Variants in RICTOR observed in about 807,000 individuals in gnomAD.
The protein encoded by RICTOR is rapamycin-insensitive companion of mTOR.
A neutral mutation model predicts 214.9 loss-of-function variants in RICTOR; 49 were observed. That is an observed-to-expected ratio of 0.23 (90% CI 0.18 to 0.29). The LOEUF (loss-of-function observed/expected upper bound fraction) is 0.29, where lower values mean the gene tolerates loss of function less well. Among genes scored for constraint, RICTOR ranks in the 10% least tolerant of loss-of-function variants. The pLI is 1.00. For synonymous variants in RICTOR, 717 were observed against 711.3 expected (o/e 1.01, Z -0.13); for missense variants, 1,625 against 2,047.0 (o/e 0.79, Z 3.98).
intron 2 of RICTOR, among the ~76,000 whole-genome samples, chr5:39,029,333 T>C (rs1756094387): frequency 6.6e-6 from 1 of 152,012 alleles, no homozygotes; most frequent in African/African-American, 2.4e-5. Context: ...AAGAGAAAAC[T>C]AACATATAAA....
Position 38,941,049 on chromosome 5 carries a change from G to C in RICTOR, c.*1255C>G. 4.3e-6 allele frequency: 1 copy of C among 232,782 alleles called. No homozygotes were observed. Among genetic ancestry groups the C allele is most frequent in the Non-Finnish European group, 8.5e-6 (1 of 117,540 alleles). 14.4% of individuals were successfully genotyped at this position (232,782 alleles called of 1,614,324 possible). A position where few individuals can be genotyped will look rare whatever the true frequency, so the allele number is the denominator to read the frequency against. Reference sequence around the variant, plus strand: ...TTACAAGCATTCAAATGATGGCCATGCTATTTTTATATACAAATTTGCATA... The same window carrying C: ...TTACAAGCATTCAAATGATGGCCATCCTATTTTTATATACAAATTTGCATA... On this transcript the variant is annotated 3_prime_UTR_variant, in exon 38 of 38. Coordinates refer to ENST00000357387, the MANE Select transcript of RICTOR (RefSeq NM_152756.5).
At chr5:39,074,082 C>T in intron 2 of RICTOR, 29 bp downstream of exon 2, 1 of 1,553,362 alleles carries the variant, frequency 6.4e-7, no homozygotes, top group Non-Finnish European at 8.7e-7. Flanking sequence ...GCAGCGCGCC[C>T]TCGCGGCGCC....
At position 39,068,318 on chromosome 5, in the gene RICTOR, C is replaced by T. The variant is rs565238710; in HGVS notation, c.97+5793G>A. Among the ~76,000 whole-genome samples, 274 of 152,204 alleles carry T rather than the reference C, an allele frequency of 1.8e-3. 1 individual carries two copies. The highest frequency in any genetic ancestry group is 6.4e-3 in the African/African-American group (265 of 41,528). ...CTCAAGTAGGGGCATACAGTCTCCACGGAGAAAGAGGTGGAATGGGGGTTG... is the reference window on the plus strand; with the variant it reads ...CTCAAGTAGGGGCATACAGTCTCCATGGAGAAAGAGGTGGAATGGGGGTTG... On this transcript the variant is annotated intron_variant, in intron 2 of 37. Coordinates refer to ENST00000357387, the MANE Select transcript of RICTOR (RefSeq NM_152756.5).
At position 38,952,314 on chromosome 5, in the gene RICTOR, C is replaced by T. The variant is rs1748862760; in HGVS notation, c.3009G>A (p.Val1003=). Residue 1003 remains valine (V), a synonymous_variant, in exon 30 of 38, where the codon GTG becomes GTA. Transcript: ENST00000357387. ...AGAGTTGTTCCACATCATCTGGAAC[C>T]ACTGGCCACAGATGTTTGCGACTAT... is the stretch of plus-strand genomic sequence containing the variant. The part of the protein sequence containing the change: ...VRHSRKHLWP[V]VPDDVEQLCN... 6.2e-7 allele frequency: 1 copy of T among 1,612,432 alleles called. No individual in the cohort carries two copies. The highest frequency in any genetic ancestry group is 8.5e-7 in the Non-Finnish European group (1 of 1,178,794).
chr5:39,052,802 G>C (rs748692577), intron 2 of RICTOR, among the ~76,000 whole-genome samples: 1 of 152,122 alleles, frequency 6.6e-6, no homozygotes, highest in Non-Finnish European at 1.5e-5. Flanking sequence ...GAAATTAAGT[G>C]ATCTCTTATC....
At position 38,968,031 on chromosome 5, in the gene RICTOR, C is replaced by G; in HGVS notation, c.973-1G>C. ...CATAAAGCACTTCAAGTAGACCTCG[C>G]TAAATTAGCAAACAAATACACCTCA... On this transcript the variant is annotated splice_acceptor_variant, in intron 11 of 37. Transcript: ENST00000357387. LOFTEE classifies it high-confidence loss of function. The G allele has an allele frequency of 6.4e-7, 1 of 1,568,544 alleles. No homozygotes were observed. Among genetic ancestry groups the G allele is most frequent in the Non-Finnish European group, 8.8e-7 (1 of 1,139,366 alleles).
intron 2 of RICTOR, among the ~76,000 whole-genome samples, chr5:39,039,576 G>C (rs1043304620): frequency 1.3e-5 from 2 of 152,092 alleles, no homozygotes; most frequent in African/African-American, 4.8e-5. Context: ...ATCTGACAAA[G>C]GGCTAATATC....
intron 2 of RICTOR, among the ~76,000 whole-genome samples, chr5:39,034,842 C>A: frequency 6.6e-6 from 1 of 152,356 alleles, no homozygotes. Flanking sequence ...TGGAGCCCAC[C>A]GCAGCTCAAG....
Position 38,976,544 on chromosome 5 carries a change from G to A in RICTOR, c.822-940C>T, listed in dbSNP as rs184469125. On this transcript the variant is annotated intron_variant, in intron 9 of 37. Coordinates refer to ENST00000357387, the MANE Select transcript of RICTOR (RefSeq NM_152756.5). ...AAATAACAGAAATGAAAATGGGGGC[G>A]GGGGTGGCTTGGAAGAAGGGAGAAT... 4.6e-5 allele frequency among the ~76,000 whole-genome samples: 7 copies of A among 152,232 alleles called. No homozygotes were observed. In the East Asian group the frequency reaches 5.8e-4, roughly 13 times the overall value.
intron 2 of RICTOR, among the ~76,000 whole-genome samples, chr5:39,038,454 TG>T (rs1412110154): frequency 6.6e-6 from 1 of 152,196 alleles, no homozygotes; most frequent in Non-Finnish European, 1.5e-5. Flanking sequence ...AACATAGTGT[TG>T]GAAGTTCTGG....
At chr5:38,942,786 A>T in intron 37 of RICTOR, 47 bp downstream of exon 37, 2 of 1,437,892 alleles carry the variant, frequency 1.4e-6, no homozygotes, top group Non-Finnish European at 2.0e-6. Context: ...ATTCAAACAC[A>T]GAATTATTCT....
chr5:39,018,608 T>A (rs893585229), intron 3 of RICTOR, among the ~76,000 whole-genome samples: 3 of 152,158 alleles, frequency 2.0e-5, no homozygotes, highest in Non-Finnish European at 4.4e-5. Context: ...ATGTAACTAT[T>A]ATCATTGTTA....
intron 7 of RICTOR, among the ~76,000 whole-genome samples, chr5:38,983,184 T>C (rs1415230079): frequency 6.6e-6 from 1 of 152,186 alleles, no homozygotes; most frequent in Admixed American, 6.5e-5. Context: ...AAGAACCAAT[T>C]TGACAAATTC....
intron 28 of RICTOR, 73 bp from the exon 29 acceptor site, chr5:38,953,164 A>G: frequency 9.5e-7 from 1 of 1,047,764 alleles, no homozygotes; most frequent in Non-Finnish European, 1.4e-6. Flanking sequence ...CTACCAAGAA[A>G]CAAATTTAAC....
chr5:38,948,089 T>G (rs951502644), intron 31 of RICTOR, among the ~76,000 whole-genome samples: 1 of 152,114 alleles, frequency 6.6e-6, no homozygotes, highest in Admixed American at 6.6e-5. Flanking sequence ...GATATTTCCA[T>G]AAGATACATG....
chr5:39,056,011 A>G (rs1758181741), intron 2 of RICTOR, among the ~76,000 whole-genome samples: 1 of 152,246 alleles, frequency 6.6e-6, no homozygotes, highest in Non-Finnish European at 1.5e-5. Context: ...TGGCCCAATT[A>G]AAGTACTTCT....
chr5:39,045,800 T>C (rs1480213643), intron 2 of RICTOR, among the ~76,000 whole-genome samples: 4 of 152,100 alleles, frequency 2.6e-5, no homozygotes, highest in Admixed American at 2.6e-4. Context: ...TTAAAAGGGC[T>C]TACCTTCTTA....
intron 2 of RICTOR, among the ~76,000 whole-genome samples, chr5:39,069,315 A>G (rs867675013): frequency 7.9e-5 from 12 of 152,216 alleles, no homozygotes; most frequent in African/African-American, 2.9e-4. Flanking sequence ...TCCCACTTTC[A>G]GCCCATGCCT....
chr5:38,954,877 T>C lies in RICTOR; in HGVS notation c.2610-16A>G. On this transcript the variant is annotated splice_polypyrimidine_tract_variant and intron_variant, in intron 26 of 37. Transcript: ENST00000357387. ...ACGCTGTAATCTAGTATAATAAAGA[T>C]GATTACTATATCTCTTGGCTAATTT... 1 of 1,309,108 alleles carries C rather than the reference T, an allele frequency of 7.6e-7. No individual in the cohort carries two copies. The highest frequency in any genetic ancestry group is 1.1e-6 in the Non-Finnish European group (1 of 911,300). The allele number at this position is 1,309,108 out of a possible 1,614,324, so 81.1% of individuals were successfully genotyped here. A position where few individuals can be genotyped will look rare whatever the true frequency, so the allele number is the denominator to read the frequency against.
Sources: gnomAD v4.1 joint callset for allele counts (sites outside exome capture counted in the v4.1 genomes callset) on GRCh38, gnomAD v4.1.1 for gene constraint, MANE v1.5 for transcripts, NCBI Gene and HGNC (gene_info 2026-07-23, HGNC 2026-07-21) for gene names.